The following MUC3A variants were observed in gnomAD, a reference collection of about 807,000 sequenced individuals.
MUC3A encodes mucin 3A, cell surface associated.
Under a neutral mutation model 109.0 loss-of-function variants are expected in MUC3A, and 109 were observed. The observed-to-expected ratio is 1.00, with a 90% CI of 0.86 to 1.17. The LOEUF is 1.17. Among genes scored for constraint, MUC3A ranks in the 50% most tolerant of loss-of-function variants. The pLI is 0.00. For missense variants in MUC3A, 3,537 were observed against 2,469.4 expected, an observed-to-expected ratio of 1.43 and a Z score of -9.16; for synonymous variants, 1,398 against 981.4, an observed-to-expected ratio of 1.42 and a Z score of -7.93.
chr7:100,961,727 C>T (rs541457268), intron 3 of MUC3A, among the ~76,000 whole-genome samples: 7 of 152,414 alleles, frequency 4.6e-5, no homozygotes, highest in East Asian at 1.9e-4. Context: ...GCAGGAAAAT[C>T]GCTTGAATCC....
At chr7:100,949,760 G>A in intron 1 of MUC3A, 75 bp downstream of exon 1, 2 of 1,401,158 alleles carry the variant, frequency 1.4e-6, no homozygotes, top group Admixed American at 2.5e-5. Flanking sequence ...GGGAAAAGTG[G>A]CTGTAAGGCC....
rs1223470216 is a variant in MUC3A at position 100,965,363 on chromosome 7, AG to A, written c.9448+19del. On this transcript the variant is annotated intron_variant, in intron 7 of 11. Coordinates refer to ENST00000379458, the MANE Select transcript of MUC3A (RefSeq NM_005960.2). ...ACCCCGGCAGGTAAGGGTGGGGTAA[AG>A]GGCTGAGTGGTCTCCCGCGGCTATG... 3.1e-6 allele frequency: 5 copies of A among 1,596,348 alleles called. No homozygotes were observed. The highest frequency in any genetic ancestry group is 3.4e-6 in the Non-Finnish European group (4 of 1,178,510).
intron 4 of MUC3A, 49 bp from the exon 5 acceptor site, chr7:100,963,639 C>A: frequency 8.1e-6 from 13 of 1,598,242 alleles, no homozygotes; most frequent in Non-Finnish European, 1.1e-5. Flanking sequence ...TCTGGGTCCC[C>A]TCAGGTCTGC....
chr7:100,964,076 A>AG, intron 5 of MUC3A: 1 of 501,920 alleles, frequency 2.0e-6, no homozygotes, highest in Non-Finnish European at 3.6e-6. Flanking sequence ...AGAGAGAGAG[A>AG]GAAAGAGAGA....
chr7:100,967,706 T>C lies in MUC3A; in HGVS notation c.*544T>C. 1 of 202,886 alleles carries C rather than the reference T, an allele frequency of 4.9e-6. No individual in the cohort carries two copies. Among genetic ancestry groups the C allele is most frequent in the South Asian group, 9.1e-5 (1 of 10,986 alleles). The allele number at this position is 202,886 out of a possible 1,614,324, so 12.6% of individuals were successfully genotyped here. On this transcript the variant is annotated 3_prime_UTR_variant, in exon 12 of 12. Coordinates refer to ENST00000379458, the MANE Select transcript of MUC3A (RefSeq NM_005960.2). ...TCTAACTCCCTGCTGCATCTCTTGC[T>C]CTCATTCCTTAGACGTCCTCCCCTT...
Position 100,963,708 on chromosome 7 carries a change from C to T in MUC3A, c.9189C>T (p.Asp3063=). Residue 3063 remains aspartate, a synonymous_variant, in exon 5 of 12, where the codon GAC becomes GAT. Coordinates refer to ENST00000379458, the MANE Select transcript of MUC3A (RefSeq NM_005960.2). ...FWNQMQKIFA[D]MQGFTFKGVE... ...TTCAGATGCAGAAGATTTTTGCAGACATGCAGGGCTTCACCTTCAAGGGTG... is the reference window on the plus strand; with the variant it reads ...TTCAGATGCAGAAGATTTTTGCAGATATGCAGGGCTTCACCTTCAAGGGTG... The T allele has an allele frequency of 6.3e-7, 1 of 1,598,520 alleles. No homozygotes were observed. The highest frequency in any genetic ancestry group is 8.5e-7 in the Non-Finnish European group (1 of 1,179,806).
Position 100,963,223 on chromosome 7 carries a change from C to G in MUC3A, c.9125C>G (p.Thr3042Ser), listed in dbSNP as rs1426972241. 6.9e-6 allele frequency: 11 copies of G among 1,598,320 alleles called. No individual in the cohort carries two copies. In the East Asian group the frequency reaches 8.9e-5, roughly 13 times the overall value. ...TTCTCGCCGGACCTCAATGACAACA[C>G]TTCCCAGGCCTACAGGGATTTCAAC... is the stretch of plus-strand genomic sequence containing the variant. ...QQFSPDLNDN[T>S]SQAYRDFNKT... Residue 3042 changes from threonine to serine, a missense_variant, in exon 4 of 12, where the codon ACT (threonine) becomes AGT (serine). Thr to Ser is a moderately conservative substitution (Grantham distance 58). Coordinates refer to ENST00000379458, the MANE Select transcript of MUC3A (RefSeq NM_005960.2).
At chr7:100,966,237 G>GGGTGGAGACCCGTCCGCGTGTTGTAC in intron 8 of MUC3A, 149 bp from the exon 9 acceptor site, 3 of 663,560 alleles carry the variant, frequency 4.5e-6, no homozygotes, top group Non-Finnish European at 4.2e-6. Flanking sequence ...CCTCGTTCTA[G>GGGTGGAGACCCGTCCGCGTGTTGTAC]GGTGGATTCC....
chr7:100,965,834 G>A lies in MUC3A; in HGVS notation c.9579G>A (p.Gln3193=), dbSNP rs765204422. The A allele has an allele frequency of 3.7e-5, 59 of 1,596,834 alleles. No individual in the cohort carries two copies. The African/African-American group carries it at 7.5e-4, about 20-fold the overall frequency. Residue 3193 remains glutamine (Q), a synonymous_variant, in exon 8 of 12, where the codon CAG becomes CAA. Coordinates refer to ENST00000379458, the MANE Select transcript of MUC3A (RefSeq NM_005960.2). ...VDNAIDCHQG[Q]CVLETSGPTC... is the part of the protein sequence containing the mutation. Reference sequence around the variant, plus strand: ...ACGCCATCGACTGTCACCAGGGCCAGTGCGTTCTGGAGACGAGCGGTCCCA... The same window carrying A: ...ACGCCATCGACTGTCACCAGGGCCAATGCGTTCTGGAGACGAGCGGTCCCA...
Position 100,958,140 on chromosome 7 carries a change from T to C in MUC3A, c.6361T>C (p.Ser2121Pro). The C allele has an allele frequency of 7.8e-7, 1 of 1,276,450 alleles. No individual in the cohort carries two copies. Among genetic ancestry groups the C allele is most frequent in the Non-Finnish European group, 1.1e-6 (1 of 890,018 alleles). The allele number at this position is 1,276,450 out of a possible 1,614,324, so 79.1% of individuals were successfully genotyped here. A position where few individuals can be genotyped will look rare whatever the true frequency, so the allele number is the denominator to read the frequency against. Residue 2121 changes from serine to proline, a missense_variant, in exon 2 of 12, where the codon TCA (serine) becomes CCA (proline). Coordinates refer to ENST00000379458, the MANE Select transcript of MUC3A (RefSeq NM_005960.2). ...CTCAATCACCACCTCTGAGATGCCC[T>C]CACACAGTACTCCCAGCTTCACTTC... ...TSSITTSEMP[S>P]HSTPSFTSSI...
chr7:100,965,073 G>C (rs890845422), intron 6 of MUC3A: 30 of 1,272 alleles, frequency 0.024, no homozygotes, highest in African/African-American at 0.048. Context: ...AGCATTTCCC[G>C]GATGGCTGAA....
rs768536921 is a variant in MUC3A at position 100,960,883 on chromosome 7, C to T, written c.8998C>T (p.Pro3000Ser). ...GTGGGATGGCCTCAAATGCCAGTGC[C>T]CCAGCACCTTCTATGGTTCCAGTTG... Reference protein sequence around the residue: ...GQWDGLKCQCPSTFYGSSCEF... With the variant: ...GQWDGLKCQCSSTFYGSSCEF... The change falls in exon 3 of 12, where the codon CCC becomes TCC. Residue 3000 changes from proline to serine, a missense_variant. By Grantham distance (74) the Pro-to-Ser change is moderately conservative (BLOSUM62 -1). Coordinates refer to ENST00000379458, the MANE Select transcript of MUC3A (RefSeq NM_005960.2). 31 of 1,598,528 alleles carry T rather than the reference C, an allele frequency of 1.9e-5. No homozygotes were observed. Among genetic ancestry groups the T allele is most frequent in the African/African-American group, 1.9e-4 (14 of 75,078 alleles).
chr7:100,952,318 A>G lies in MUC3A; in HGVS notation c.539A>G (p.Glu180Gly). 1 of 1,598,548 alleles carries G rather than the reference A, an allele frequency of 6.3e-7. No homozygotes were observed. Among genetic ancestry groups the G allele is most frequent in the Non-Finnish European group, 8.5e-7 (1 of 1,179,790 alleles). ...AGTACTTACTCTATGACCACTACTG[A>G]GAAAGGAACGTCAGCCATGACATCT... is the stretch of plus-strand genomic sequence containing the variant. ...VTSTYSMTTT[E>G]KGTSAMTSSP... The change falls in exon 2 of 12, where the codon GAG (glutamate) becomes GGG (glycine). Residue 180 changes from glutamate to glycine, a missense_variant. Physicochemically the swap from Glu to Gly is moderately conservative, Grantham distance 98. Coordinates refer to ENST00000379458, the MANE Select transcript of MUC3A (RefSeq NM_005960.2).
At chr7:100,966,607 C>T (rs746197115) in intron 9 of MUC3A, 45 bp from the exon 10 acceptor site, 3 of 1,597,872 alleles carry the variant, frequency 1.9e-6, no homozygotes, top group South Asian at 2.2e-5. Flanking sequence ...GCCAAGGGGT[C>T]CCAGGCGGGC....
rs565434243 is a variant in MUC3A at position 100,963,235 on chromosome 7, A to C, written c.9137A>C (p.Tyr3046Ser). The C allele has an allele frequency of 1.2e-5, 19 of 1,598,222 alleles. No homozygotes were observed. The Admixed American group carries it at 3.2e-4, about 27-fold the overall frequency. The part of the protein sequence containing the change: ...PDLNDNTSQA[Y>S]RDFNKTFWNQ... ...CTCAATGACAACACTTCCCAGGCCTACAGGGATTTCAACAAGACCTTCTGG... is the reference window on the plus strand; with the variant it reads ...CTCAATGACAACACTTCCCAGGCCTCCAGGGATTTCAACAAGACCTTCTGG... The change falls in exon 4 of 12, where the codon TAC becomes TCC. Residue 3046 changes from tyrosine (Y) to serine (S), a missense_variant. By Grantham distance (144) the Tyr-to-Ser change is moderately radical. Transcript: ENST00000379458.
chr7:100,965,875 C>T lies in MUC3A; in HGVS notation c.9611+9C>T. Reference sequence around the variant, plus strand: ...AGCGGTCCCACGTGTCGGTAAGGCCCCGCTCACCATCGGCATCAGCCGAGC... The same window carrying T: ...AGCGGTCCCACGTGTCGGTAAGGCCTCGCTCACCATCGGCATCAGCCGAGC... On this transcript the variant is annotated intron_variant, in intron 8 of 11. Transcript: ENST00000379458. The T allele has an allele frequency of 1.3e-6, 2 of 1,588,666 alleles. No homozygotes were observed. Among genetic ancestry groups the T allele is most frequent in the Admixed American group, 1.7e-5 (1 of 59,466 alleles).
rs1427415356 is a variant in MUC3A at position 100,951,844 on chromosome 7, C to T, written c.65C>T (p.Thr22Ile). The T allele has an allele frequency of 1.9e-6, 3 of 1,595,878 alleles. No individual in the cohort carries two copies. The highest frequency in any genetic ancestry group is 2.5e-6 in the Non-Finnish European group (3 of 1,177,392). ...MLKASPWATG[T>I]LSTATSISQV... ...CTCTGCTCTGCCGCCAATGCAGGAA[C>T]TTTATCCACGGCCACATCCATCTCT... The change falls in exon 2 of 12, where the codon ACT (threonine) becomes ATT (isoleucine). Residue 22 changes from threonine to isoleucine, a missense_variant. Physicochemically the swap from Thr to Ile is moderately conservative, Grantham distance 89. Coordinates refer to ENST00000379458, the MANE Select transcript of MUC3A (RefSeq NM_005960.2).
chr7:100,963,609 CCTGGAG>C, intron 4 of MUC3A, 73 bp from the exon 5 acceptor site: 1 of 1,593,690 alleles, frequency 6.3e-7, no homozygotes, highest in East Asian at 2.2e-5. Flanking sequence ...AAGGGTCTTC[CCTGGAG>C]CTGGGGTTGG....
At position 100,957,403 on chromosome 7, in the gene MUC3A, C is replaced by T. The variant is rs893426940; in HGVS notation, c.5624C>T (p.Thr1875Ile). ...TLSTVTSLRP[T>I]SSSLLTTVTA... ...TCCACTGTGACCTCTCTTCGACCCA[C>T]CTCTTCCTCTCTCCTCACCACAGTA... Residue 1875 changes from threonine to isoleucine, a missense_variant, in exon 2 of 12, where the codon ACC becomes ATC. Coordinates refer to ENST00000379458, the MANE Select transcript of MUC3A (RefSeq NM_005960.2). The T allele has an allele frequency of 2.3e-6, 2 of 869,212 alleles. No individual in the cohort carries two copies. The highest frequency in any genetic ancestry group is 3.4e-5 in the African/African-American group (2 of 59,072). 53.8% of individuals were successfully genotyped at this position (869,212 alleles called of 1,614,324 possible). A position where few individuals can be genotyped will look rare whatever the true frequency, so the allele number is the denominator to read the frequency against.
Sources: allele counts gnomAD v4.1 joint callset (sites outside exome capture counted in the v4.1 genomes callset), GRCh38; gene constraint gnomAD v4.1.1; transcripts MANE v1.5; gene names NCBI Gene and HGNC (gene_info 2026-07-23, HGNC 2026-07-21).